Variants in AGAP3 observed in about 807,000 individuals in gnomAD.
AGAP3 encodes ArfGAP with GTPase domain, ankyrin repeat and PH domain 3.
Under a neutral mutation model 96.9 loss-of-function variants are expected in AGAP3, and 24 were observed. That is an observed-to-expected ratio of 0.25 (90% confidence interval 0.18 to 0.35). AGAP3 has a LOEUF of 0.35. Among genes scored for constraint, AGAP3 ranks in the 10% least tolerant of loss-of-function variants. AGAP3 has a pLI of 1.00. For missense variants in AGAP3, 876 were observed against 1,254.2 expected (o/e 0.70, Z 4.55); for synonymous variants, 563 against 536.1 (o/e 1.05, Z -0.69).
rs750796680 is a variant in AGAP3 at position 151,143,421 on chromosome 7, T to C, written c.2354T>C (p.Leu785Pro). Residue 785 changes from leucine to proline, a missense_variant, in exon 17 of 18, where the codon CTG becomes CCG. Coordinates refer to ENST00000397238, the MANE Select transcript of AGAP3 (RefSeq NM_031946.7). The surrounding 1 kb of genome is among the most constrained non-coding windows in gnomAD (Gnocchi z 5.9). ...CCACTGCCAAGCTCAGATGTGCCACTGGGGCAGCAGCTGCTCCGGGCCGTG... is the reference window on the plus strand; with the variant it reads ...CCACTGCCAAGCTCAGATGTGCCACCGGGGCAGCAGCTGCTCCGGGCCGTG... ...LAPLPSSDVP[L>P]GQQLLRAVVE... is the part of the protein sequence containing the mutation. The C allele has an allele frequency of 2.5e-6, 4 of 1,614,100 alleles. No individual in the cohort carries two copies. The highest frequency in any genetic ancestry group is 1.7e-5 in the Admixed American group (1 of 60,006).
rs553028400 is a variant in AGAP3, at chr7:151,143,627, C to T, written c.2529+31C>T. 75 of 1,596,372 alleles carry T rather than the reference C, an allele frequency of 4.7e-5. 1 individual carries two copies. The South Asian group carries it at 7.4e-4, about 16-fold the overall frequency. ...TCACGTGCCTCTAGCCTGCCCTGAC[C>T]TCGCTCTTCTTAGCCTTGTTCTTTG... is the stretch of plus-strand genomic sequence containing the variant. On this transcript the variant is annotated intron_variant, in intron 17 of 17. Transcript: ENST00000397238. The surrounding 1 kb of genome is among the most constrained non-coding windows in gnomAD (Gnocchi z 5.9).
intron 1 of AGAP3, among the ~76,000 whole-genome samples, chr7:151,099,109 C>T (rs953566327): frequency 2.7e-4 from 41 of 151,686 alleles, no homozygotes; most frequent in Non-Finnish European, 4.3e-4. Flanking sequence ...TTTGGGAGGC[C>T]GAGGCAGGCG....
rs755866680 is a variant in AGAP3 at position 151,117,188 on chromosome 7, C to T, written c.478+6C>T. 104 of 1,611,968 alleles carry T rather than the reference C, an allele frequency of 6.5e-5. 1 individual carries two copies. Among genetic ancestry groups the T allele is most frequent in the Middle Eastern group, 3.3e-4 (2 of 6,068 alleles). ...CCAGGAGGAGTCCCCTGAAGGTGAGCGTCACAGGCCCAGCCTGGGCCCTGA... is the reference window on the plus strand; with the variant it reads ...CCAGGAGGAGTCCCCTGAAGGTGAGTGTCACAGGCCCAGCCTGGGCCCTGA... On this transcript the variant is annotated splice_donor_region_variant and intron_variant, in intron 3 of 17. Coordinates refer to ENST00000397238, the MANE Select transcript of AGAP3 (RefSeq NM_031946.7).
chr7:151,094,838 C>T (rs892873163), intron 1 of AGAP3, among the ~76,000 whole-genome samples: 2 of 151,388 alleles, frequency 1.3e-5, no homozygotes, highest in African/African-American at 4.9e-5. Flanking sequence ...CCCTCCCTTC[C>T]CTCCTTCCCT....
At chr7:151,098,083 G>A (rs1372525225) in intron 1 of AGAP3, among the ~76,000 whole-genome samples, 1 of 152,168 alleles carries the variant, frequency 6.6e-6, no homozygotes, top group Non-Finnish European at 1.5e-5. Context: ...ATGGGACCAA[G>A]CGCGGTGGCT....
intron 10 of AGAP3, 61 bp from the exon 11 acceptor site, chr7:151,134,339 C>T: frequency 1.3e-6 from 2 of 1,583,028 alleles, no homozygotes; most frequent in Non-Finnish European, 8.7e-7. Flanking sequence ...AGTTGCAAGG[C>T]TCAACGCTGG....
rs142341585 is a variant in AGAP3 at position 151,134,901 on chromosome 7, G to A, written c.1495+333G>A. Among the ~76,000 whole-genome samples, 920 of 152,248 alleles carry A rather than the reference G, an allele frequency of 6.0e-3. 6 individuals are homozygous for A. The highest frequency in any genetic ancestry group is 0.017 in the Middle Eastern group (5 of 294). On this transcript the variant is annotated intron_variant, in intron 11 of 17. Coordinates refer to ENST00000397238, the MANE Select transcript of AGAP3 (RefSeq NM_031946.7). ...GGGCCATGCCTCTGGGTGCATGGCC[G>A]GCATCTCAGCCAAGGTTGGCATATG...
chr7:151,116,715 T>C (rs1799601862), intron 1 of AGAP3, 78 bp from the exon 2 acceptor site: 9 of 1,544,756 alleles, frequency 5.8e-6, no homozygotes, highest in Non-Finnish European at 8.0e-6. Flanking sequence ...GAGGGCATCA[T>C]AGGTGACACA....
chr7:151,117,307 G>C (rs1044250953), intron 3 of AGAP3, 64 bp from the exon 4 acceptor site: 1 of 1,606,484 alleles, frequency 6.2e-7, no homozygotes, highest in African/African-American at 1.3e-5. Flanking sequence ...GGAAGCTGTA[G>C]ATTTCTTCTT....
Position 151,144,221 on chromosome 7 carries a change from T to G in AGAP3, c.*278T>G. On this transcript the variant is annotated 3_prime_UTR_variant, in exon 18 of 18. Coordinates refer to ENST00000397238, the MANE Select transcript of AGAP3 (RefSeq NM_031946.7). ...TGTGAGGAGAGGGGAGCAGGACCTC[T>G]CCCTCCTCCAGATCCCTGCCTCCTA... 2.3e-6 allele frequency: 1 copy of G among 442,716 alleles called. No individual in the cohort carries two copies. 27.4% of individuals were successfully genotyped at this position (442,716 alleles called of 1,614,324 possible). A position where few individuals can be genotyped will look rare whatever the true frequency, so the allele number is the denominator to read the frequency against.
chr7:151,141,408 C>G lies in AGAP3; in HGVS notation c.1805-490C>G, dbSNP rs1333436144. 2 of 176,408 alleles carry G rather than the reference C, an allele frequency of 1.1e-5. No homozygotes were observed. The highest frequency in any genetic ancestry group is 2.4e-5 in the Non-Finnish European group (2 of 83,244). 10.9% of individuals were successfully genotyped at this position (176,408 alleles called of 1,614,324 possible). A position where few individuals can be genotyped will look rare whatever the true frequency, so the allele number is the denominator to read the frequency against. On this transcript the variant is annotated intron_variant, in intron 13 of 17. Coordinates refer to ENST00000397238, the MANE Select transcript of AGAP3 (RefSeq NM_031946.7). The surrounding 1 kb of genome is among the most constrained non-coding windows in gnomAD (Gnocchi z 4.2). ...CCATGGTAGTGGGGGAGGGGCCCAG[C>G]TCCCAGGAGCCCCACGCTGACGCCG...
In AGAP3 at chr7:151,141,580, C is replaced by CTG. The variant is rs1199563355; in HGVS notation, c.1805-315_1805-314dup. ...TCCTTCTCCAGATACTCAGCTCTTTCTGTGGGATGCACCCCTCTCTGGTTT... is the reference window on the plus strand; with the variant it reads ...TCCTTCTCCAGATACTCAGCTCTTTCTGTGTGGGATGCACCCCTCTCTGGTTT... On this transcript the variant is annotated intron_variant, in intron 13 of 17. Transcript: ENST00000397238. The surrounding 1 kb of genome is among the most constrained non-coding windows in gnomAD (Gnocchi z 4.2). 5 of 374,370 alleles carry CTG rather than the reference C, an allele frequency of 1.3e-5. No individual in the cohort carries two copies. The highest frequency in any genetic ancestry group is 4.1e-5 in the Admixed American group (1 of 24,628). The allele number at this position is 374,370 out of a possible 1,614,324, so 23.2% of individuals were successfully genotyped here. A position where few individuals can be genotyped will look rare whatever the true frequency, so the allele number is the denominator to read the frequency against.
At chr7:151,115,697 C>T (rs1244420861) in intron 1 of AGAP3, 1 of 1,069,734 alleles carries the variant, frequency 9.3e-7, no homozygotes, top group South Asian at 4.6e-5. Flanking sequence ...GGAGAAAAGC[C>T]GGACGCGCCC....
At chr7:151,092,186 C>T (rs949924905) in intron 1 of AGAP3, among the ~76,000 whole-genome samples, 5 of 152,164 alleles carry the variant, frequency 3.3e-5, no homozygotes, top group Non-Finnish European at 7.3e-5. Flanking sequence ...CCACACCGCT[C>T]GTTTGTGCTT....
intron 10 of AGAP3, chr7:151,131,277 A>G (rs1197468660): frequency 6.6e-6 from 1 of 152,206 alleles, no homozygotes; most frequent in African/African-American, 2.4e-5. Flanking sequence ...TGTTAATTCT[A>G]TCTGCAACAT....
chr7:151,124,116 G>A (rs1436707949), intron 9 of AGAP3, among the ~76,000 whole-genome samples: 1 of 152,192 alleles, frequency 6.6e-6, no homozygotes, highest in Non-Finnish European at 1.5e-5. Context: ...GATCACCACC[G>A]GAGGGCAGCA....
chr7:151,102,827 G>C (rs1466587462), intron 1 of AGAP3, among the ~76,000 whole-genome samples: 4 of 152,000 alleles, frequency 2.6e-5, no homozygotes, highest in Non-Finnish European at 5.9e-5. Context: ...TGTTGCCCAG[G>C]CTGGTCTCGA....
Position 151,114,846 on chromosome 7 carries a change from T to C in AGAP3, c.332-1947T>C. On this transcript the variant is annotated intron_variant, in intron 1 of 17. Coordinates refer to ENST00000397238, the MANE Select transcript of AGAP3 (RefSeq NM_031946.7). The surrounding 1 kb of genome is among the most constrained non-coding windows in gnomAD (Gnocchi z 4.4). ...CGCTTGCCGCCGCGCCCACAGCGTC[T>C]GCGACTCGCTGGACCTGCACGGCGC... 9.5e-7 allele frequency: 1 copy of C among 1,053,704 alleles called. No homozygotes were observed. Among genetic ancestry groups the C allele is most frequent in the Non-Finnish European group, 1.1e-6 (1 of 874,792 alleles). The allele number at this position is 1,053,704 out of a possible 1,614,324, so 65.3% of individuals were successfully genotyped here. A position where few individuals can be genotyped will look rare whatever the true frequency, so the allele number is the denominator to read the frequency against.
In AGAP3 at chr7:151,120,016, C is replaced by T. The variant is rs772892894; in HGVS notation, c.999C>T (p.Ser333=). 16 of 1,613,658 alleles carry T rather than the reference C, an allele frequency of 9.9e-6. No homozygotes were observed. Among genetic ancestry groups the T allele is most frequent in the South Asian group, 3.3e-5 (3 of 91,094 alleles). The change falls in exon 8 of 18, where the codon AGC becomes AGT. Residue 333 remains serine, a synonymous_variant. Transcript: ENST00000397238. The stretch of plus-strand genomic sequence containing the variant: ...CGAATGGCGGCGGCAGCGCCTTCAG[C>T]GACTACTCGTCCTCAGTCCCCTCCA... The part of the protein sequence containing the change: ...QATNGGGSAF[S]DYSSSVPSTP...
Sources: gnomAD v4.1 joint callset for allele counts (sites outside exome capture counted in the v4.1 genomes callset) on GRCh38, gnomAD v4.1.1 for gene constraint, Gnocchi (gnomAD v3.1) non-coding constraint, MANE v1.5 for transcripts, NCBI Gene and HGNC (gene_info 2026-07-23, HGNC 2026-07-21) for gene names.